STIM1: variants seen among roughly 807,000 people sequenced by gnomAD.
STIM1 encodes stromal interaction molecule 1.
In STIM1, 25 loss-of-function variants were observed where a neutral mutation model predicts 74.7. The observed-to-expected ratio is 0.33, with a 90% CI of 0.24 to 0.47. The LOEUF is 0.47. Among genes scored for constraint, STIM1 ranks in the 20% least tolerant of loss-of-function variants. The pLI, the probability that STIM1 is intolerant of heterozygous loss-of-function variation, is 1.00. For synonymous variants in STIM1, 328 were observed against 348.8 expected (o/e 0.94, Z 0.66); for missense variants, 728 against 920.8 (o/e 0.79, Z 2.71).
chr11:3,967,996 C>G lies in STIM1; in HGVS notation c.270+314C>G, dbSNP rs7113845. Among the ~76,000 whole-genome samples, 55,695 of 152,028 alleles carry G rather than the reference C, an allele frequency of 0.37. 10,348 individuals are homozygous for G. The highest frequency in any genetic ancestry group is 0.48 in the South Asian group (2,330 of 4,806). On this transcript the variant is annotated intron_variant, in intron 2 of 12. Coordinates refer to ENST00000526596, the MANE Select transcript of STIM1 (RefSeq NM_001382567.1). ...GAGGCTGGTCTCTATGGTTTCCTTGCATCCTTCTTGCAATCCTGCTATAGA... is the reference window on the plus strand; with the variant it reads ...GAGGCTGGTCTCTATGGTTTCCTTGGATCCTTCTTGCAATCCTGCTATAGA...
chr11:3,871,853 C>A (rs1225257051), intron 1 of STIM1, among the ~76,000 whole-genome samples: 1 of 152,158 alleles, frequency 6.6e-6, no homozygotes, highest in Non-Finnish European at 1.5e-5. Flanking sequence ...ATCTATCTTA[C>A]AAGGTTGATG....
chr11:3,896,225 C>G (rs1436645901), intron 1 of STIM1, among the ~76,000 whole-genome samples: 2 of 151,816 alleles, frequency 1.3e-5, no homozygotes, highest in African/African-American at 4.8e-5. Context: ...CTCTCTCTAC[C>G]ATTATATGTG....
intron 2 of STIM1, among the ~76,000 whole-genome samples, chr11:3,977,336 A>C (rs565896917): frequency 1.3e-5 from 2 of 152,374 alleles, no homozygotes; most frequent in African/African-American, 4.8e-5. Flanking sequence ...AGTAGGTAGC[A>C]GTATGAATCC....
chr11:3,893,851 C>A (rs1481463487), intron 1 of STIM1, among the ~76,000 whole-genome samples: 1 of 152,040 alleles, frequency 6.6e-6, no homozygotes, highest in Non-Finnish European at 1.5e-5. Context: ...GAGATGGGGT[C>A]AATATCAATA....
intron 7 of STIM1, among the ~76,000 whole-genome samples, chr11:4,079,951 C>T (rs1197218437): frequency 6.6e-6 from 1 of 152,124 alleles, no homozygotes; most frequent in Non-Finnish European, 1.5e-5. Context: ...GGCATGGTAG[C>T]TCACGCCTAT....
chr11:3,992,845 C>G (rs764510381), intron 2 of STIM1, among the ~76,000 whole-genome samples: 9 of 152,200 alleles, frequency 5.9e-5, no homozygotes, highest in Non-Finnish European at 1.3e-4. Context: ...GAAGGCAAGT[C>G]CATTGTTTCA....
chr11:3,878,931 T>C (rs1013808808), intron 1 of STIM1, among the ~76,000 whole-genome samples: 1 of 152,080 alleles, frequency 6.6e-6, no homozygotes, highest in Admixed American at 6.6e-5. Context: ...GCATCTCCTC[T>C]AGTACTGTTG....
intron 1 of STIM1, among the ~76,000 whole-genome samples, chr11:3,871,644 T>G (rs1331706121): frequency 6.6e-6 from 1 of 152,210 alleles, no homozygotes; most frequent in East Asian, 1.9e-4. Flanking sequence ...TTCCATTGTT[T>G]TCTTGAAACT....
At chr11:4,084,549 G>A (rs1565171507) in intron 10 of STIM1, 124 bp from the exon 11 acceptor site, 1 of 641,216 alleles carries the variant, frequency 1.6e-6, no homozygotes, top group African/African-American at 1.9e-5. Flanking sequence ...GGCTGGGAGG[G>A]ACCTTAATTA....
intron 1 of STIM1, among the ~76,000 whole-genome samples, chr11:3,896,402 G>T (rs1198530485): frequency 6.6e-6 from 1 of 152,290 alleles, no homozygotes; most frequent in East Asian, 1.9e-4. Context: ...CGATCATAGA[G>T]CTAAGTGGCT....
intron 12 of STIM1, among the ~76,000 whole-genome samples, chr11:4,087,809 G>A (rs1191212331): frequency 2.7e-5 from 4 of 148,838 alleles, no homozygotes; most frequent in African/African-American, 7.5e-5. Flanking sequence ...GGAGGATCTA[G>A]TATGACACTC....
chr11:3,908,394 C>T (rs1201976483), intron 1 of STIM1, among the ~76,000 whole-genome samples: 7 of 152,138 alleles, frequency 4.6e-5, no homozygotes, highest in Admixed American at 1.3e-4. Context: ...AGGTGAATCA[C>T]GAGGTCAGGA....
intron 9 of STIM1, 93 bp downstream of exon 9, chr11:4,083,075 A>G (rs1457963025): frequency 1.6e-6 from 2 of 1,249,152 alleles, no homozygotes; most frequent in Admixed American, 3.5e-5. Context: ...CCATTTCCTC[A>G]TTGGTGGAGG....
intron 3 of STIM1, among the ~76,000 whole-genome samples, chr11:4,039,154 T>C (rs1454797603): frequency 6.6e-6 from 1 of 151,954 alleles, no homozygotes; most frequent in East Asian, 1.9e-4. Context: ...TTATAGAAAA[T>C]GTTGGCTCTG....
At chr11:3,949,258 A>G (rs1254639921) in intron 1 of STIM1, among the ~76,000 whole-genome samples, 1 of 152,198 alleles carries the variant, frequency 6.6e-6, no homozygotes, top group Admixed American at 6.5e-5. Context: ...CAGGTGCAGA[A>G]TGGGGCAAGG....
intron 1 of STIM1, among the ~76,000 whole-genome samples, chr11:3,932,248 T>G (rs1362779594): frequency 6.6e-6 from 1 of 152,224 alleles, no homozygotes; most frequent in East Asian, 1.9e-4. Context: ...TTTGGCCTCT[T>G]AAACCTGCTG....
chr11:4,044,239 C>T (rs1266131678), intron 3 of STIM1, among the ~76,000 whole-genome samples: 1 of 152,110 alleles, frequency 6.6e-6, no homozygotes, highest in Non-Finnish European at 1.5e-5. Context: ...TGCATGTCCT[C>T]CTGGGATTTG....
In STIM1 at chr11:3,858,039, G is replaced by A. The variant is rs114911748; in HGVS notation, c.139+1630G>A. On this transcript the variant is annotated intron_variant, in intron 1 of 12. Coordinates refer to ENST00000526596, the MANE Select transcript of STIM1 (RefSeq NM_001382567.1). Reference sequence around the variant, plus strand: ...AGTGGGCAAATGTAGATTGAACTGTGAAGTAGACCTAATTATCATCTCTTC... The same window carrying A: ...AGTGGGCAAATGTAGATTGAACTGTAAAGTAGACCTAATTATCATCTCTTC... Among the ~76,000 whole-genome samples, 655 of 152,308 alleles carry A rather than the reference G, an allele frequency of 4.3e-3. 3 individuals are homozygous for A. The highest frequency in any genetic ancestry group is 0.015 in the African/African-American group (609 of 41,566).
chr11:4,083,827 A>C (rs2094478192), intron 10 of STIM1, among the ~76,000 whole-genome samples: 1 of 152,162 alleles, frequency 6.6e-6, no homozygotes, highest in African/African-American at 2.4e-5. Context: ...TCAATGTAAA[A>C]ATGGCATTTA....
Sources: allele counts gnomAD v4.1 joint callset (sites outside exome capture counted in the v4.1 genomes callset), GRCh38; gene constraint gnomAD v4.1.1; transcripts MANE v1.5; gene names NCBI Gene and HGNC (gene_info 2026-07-23, HGNC 2026-07-21).